ADAMTSL4: variants seen among roughly 807,000 people sequenced by gnomAD.
ADAMTSL4 encodes the protein ADAMTS like 4, also known as ADAMTS-like protein 4.
Under a neutral mutation model 122.8 loss-of-function variants are expected in ADAMTSL4, and 97 were observed. The ratio of observed to expected loss-of-function variants is 0.79; its 90% CI spans 0.67 to 0.93. ADAMTSL4 has a LOEUF of 0.93. Ranked by LOEUF, ADAMTSL4 falls within the 40% of genes least tolerant of loss-of-function variation. The pLI is 0.00. For synonymous variants in ADAMTSL4, 592 were observed against 568.0 expected (o/e 1.04, Z -0.60); for missense variants, 1,408 against 1,453.5 (o/e 0.97, Z 0.51).
rs1672187307 is a variant in ADAMTSL4, at chr1:150,556,879, G to A, written c.1750-60G>A. The A allele has an allele frequency of 6.2e-7, 1 of 1,609,902 alleles. No individual in the cohort carries two copies. The highest frequency in any genetic ancestry group is 1.7e-5 in the Admixed American group (1 of 59,992). On this transcript the variant is annotated intron_variant, in intron 10 of 18. Transcript: ENST00000271643. This position sits in a 1 kb window ranked among gnomAD's most constrained non-coding sequence, Gnocchi z 4.1. ...GCTGTGGTTGTCAAGATGGGAGAGA[G>A]AGCTGGTGGCATCCTCTTCTGGCCA... is the stretch of plus-strand genomic sequence containing the variant.
At position 150,559,642 on chromosome 1, in the gene ADAMTSL4, T is replaced by C; in HGVS notation, c.2944-119T>C. 6.3e-7 allele frequency: 1 copy of C among 1,576,066 alleles called. No homozygotes were observed. The stretch of plus-strand genomic sequence containing the variant: ...AAAGATGGGCCCTCTCCATTTGGGA[T>C]TTCACAATGTCCTAGGAGGGTCCCC... On this transcript the variant is annotated intron_variant, in intron 17 of 18. Coordinates refer to ENST00000271643, the MANE Select transcript of ADAMTSL4 (RefSeq NM_019032.6). This position sits in a 1 kb window ranked among gnomAD's most constrained non-coding sequence, Gnocchi z 4.1.
chr1:150,555,737 A>G (rs887427402), intron 8 of ADAMTSL4, among the ~76,000 whole-genome samples, 172 bp downstream of exon 8: 3 of 152,078 alleles, frequency 2.0e-5, no homozygotes, highest in Non-Finnish European at 2.9e-5. Flanking sequence ...ACACACGCAC[A>G]CACACGCATA....
In ADAMTSL4 at chr1:150,549,998, A is replaced by T; in HGVS notation, c.-85+103A>T. The T allele has an allele frequency of 4.0e-6, 1 of 248,384 alleles. No individual in the cohort carries two copies. The highest frequency in any genetic ancestry group is 8.5e-6 in the Non-Finnish European group (1 of 116,980). 15.4% of individuals were successfully genotyped at this position (248,384 alleles called of 1,614,324 possible). A position where few individuals can be genotyped will look rare whatever the true frequency, so the allele number is the denominator to read the frequency against. The stretch of plus-strand genomic sequence containing the variant: ...CCAGACCCAGGAGTGGAGGGCTCTG[A>T]GGGCCCGGGAATTCGGACTCAGGAC... On this transcript the variant is annotated intron_variant, in intron 2 of 18. Coordinates refer to ENST00000271643, the MANE Select transcript of ADAMTSL4 (RefSeq NM_019032.6). The surrounding 1 kb of genome is among the most constrained non-coding windows in gnomAD (Gnocchi z 5.0).
At chr1:150,558,784 T>G (rs978226790) in intron 15 of ADAMTSL4, 135 bp downstream of exon 15, 2 of 1,556,750 alleles carry the variant, frequency 1.3e-6, no homozygotes, top group African/African-American at 2.7e-5. Flanking sequence ...AACTCAGAGA[T>G]AAGTGAGAAC....
rs374121727 is a variant in ADAMTSL4, at chr1:150,554,961, G to A, written c.1235-468G>A. 8.6e-5 allele frequency among the ~76,000 whole-genome samples: 13 copies of A among 151,100 alleles called. No homozygotes were observed. Among genetic ancestry groups the A allele is most frequent in the African/African-American group, 2.4e-4 (10 of 41,134 alleles). On this transcript the variant is annotated intron_variant, in intron 7 of 18. Transcript: ENST00000271643. The surrounding 1 kb of genome is among the most constrained non-coding windows in gnomAD (Gnocchi z 4.0). The stretch of plus-strand genomic sequence containing the variant: ...CTCTCAGTTCAGAGTCCCCTTGATG[G>A]TCTCGGTGACCTCAACTGACCTGAC...
chr1:150,557,902 C>A, intron 13 of ADAMTSL4, 43 bp from the exon 14 acceptor site: 1 of 1,583,140 alleles, frequency 6.3e-7, no homozygotes, highest in South Asian at 1.1e-5. Flanking sequence ...CCACACATCT[C>A]ATCTATGTCT....
chr1:150,553,107 C>T lies in ADAMTSL4; in HGVS notation c.288C>T (p.Leu96=), dbSNP rs144538837. 1.7e-4 allele frequency: 268 copies of T among 1,613,194 alleles called. No homozygotes were observed. The African/African-American group carries it at 2.3e-3, about 14-fold the overall frequency. ...CCCCAAGACATCCAGAAGCCCTCCTCCCCCGGGGCCAGGGTCCCAGACCCC... is the reference window on the plus strand; with the variant it reads ...CCCCAAGACATCCAGAAGCCCTCCTTCCCCGGGGCCAGGGTCCCAGACCCC... ...PRPPRHPEAL[L]PRGQGPRPQT... The change falls in exon 5 of 19, where the codon CTC becomes CTT. Residue 96 remains leucine, a synonymous_variant. Coordinates refer to ENST00000271643, the MANE Select transcript of ADAMTSL4 (RefSeq NM_019032.6).
At position 150,558,655 on chromosome 1, in the gene ADAMTSL4, C is replaced by T; in HGVS notation, c.2559+6C>T. 2 of 1,613,690 alleles carry T rather than the reference C, an allele frequency of 1.2e-6. No individual in the cohort carries two copies. The highest frequency in any genetic ancestry group is 1.1e-5 in the South Asian group (1 of 91,072). On this transcript the variant is annotated splice_donor_region_variant and intron_variant, in intron 15 of 18. Coordinates refer to ENST00000271643, the MANE Select transcript of ADAMTSL4 (RefSeq NM_019032.6). ...ACAGCGACTGGAGCTCCAAGGTGAGCCCGGAACCCCCAGCCATATCCTGCA... is the reference window on the plus strand; with the variant it reads ...ACAGCGACTGGAGCTCCAAGGTGAGTCCGGAACCCCCAGCCATATCCTGCA...
chr1:150,556,689 AGGGCCGGCG>A lies in ADAMTSL4; in HGVS notation c.1648_1656del (p.Ala550_Gly552del). Reference sequence around the variant, plus strand: ...GGCTGTGGATCCCCCTGGGTCCTACAGGGCCGGCGGGACCGTCTTTCGATATAACCGTCC... The same window carrying A: ...GGCTGTGGATCCCCCTGGGTCCTACAGGACCGTCTTTCGATATAACCGTCC... On this transcript the variant is annotated inframe_deletion, in exon 10 of 19. Transcript: ENST00000271643. This position sits in a 1 kb window ranked among gnomAD's most constrained non-coding sequence, Gnocchi z 4.1. 3 of 1,614,016 alleles carry A rather than the reference AGGGCCGGCG, an allele frequency of 1.9e-6. No individual in the cohort carries two copies. Among genetic ancestry groups the A allele is most frequent in the Non-Finnish European group, 2.5e-6 (3 of 1,179,978 alleles).
Position 150,555,846 on chromosome 1 carries a change from T to TGCATGAACACATGCACACAC in ADAMTSL4, c.1371+282_1371+283insCATGAACACATGCACACACG, listed in dbSNP as rs1672041171. ...ACGTATGCAGACACATGCACACACA[T>TGCATGAACACATGCACACAC]GTAGACACACATGCATGAACACATG... On this transcript the variant is annotated intron_variant, in intron 8 of 18. Coordinates refer to ENST00000271643, the MANE Select transcript of ADAMTSL4 (RefSeq NM_019032.6). 5.0e-6 allele frequency: 3 copies of TGCATGAACACATGCACACAC among 598,082 alleles called. No individual in the cohort carries two copies. In the African/African-American group the frequency reaches 6.3e-5, roughly 12 times the overall value. 37.0% of individuals were successfully genotyped at this position (598,082 alleles called of 1,614,324 possible).
chr1:150,555,712 C>A, intron 8 of ADAMTSL4, 147 bp downstream of exon 8: 1 of 1,095,504 alleles, frequency 9.1e-7, no homozygotes, highest in Non-Finnish European at 1.3e-6. Flanking sequence ...CAGACACATG[C>A]ACACACGCAC....
At chr1:150,557,890 C>G in intron 13 of ADAMTSL4, 55 bp from the exon 14 acceptor site, 1 of 1,566,268 alleles carries the variant, frequency 6.4e-7, no homozygotes. Context: ...GCCACGGCAG[C>G]CCCACACATC....
At chr1:150,550,462 G>T (rs1213782718) in intron 2 of ADAMTSL4, among the ~76,000 whole-genome samples, 1 of 152,142 alleles carries the variant, frequency 6.6e-6, no homozygotes, top group Non-Finnish European at 1.5e-5. Context: ...CCCAGCTCGG[G>T]ATGGGATTAT....
intron 12 of ADAMTSL4, 43 bp downstream of exon 12, chr1:150,557,378 C>T (rs1415864330): frequency 6.2e-7 from 1 of 1,602,602 alleles, no homozygotes; most frequent in Admixed American, 1.7e-5. Flanking sequence ...GTCCAAACCC[C>T]CCAACTGACA....
Position 150,556,186 on chromosome 1 carries a change from G to A in ADAMTSL4, c.1396G>A (p.Gly466Ser). ...GAGCCCCGGCTGTGATGGGATCCTT[G>A]GCTCTGGCAGGCGTCCTGATGGCTG... ...CLSPGCDGIL[G>S]SGRRPDGCGV... is the part of the protein sequence containing the mutation. The change falls in exon 9 of 19, where the codon GGC (glycine) becomes AGC (serine). Residue 466 changes from glycine to serine, a missense_variant. Gly to Ser is a moderately conservative substitution (Grantham distance 56, BLOSUM62 0). Coordinates refer to ENST00000271643, the MANE Select transcript of ADAMTSL4 (RefSeq NM_019032.6). This position sits in a 1 kb window ranked among gnomAD's most constrained non-coding sequence, Gnocchi z 4.1. 6.2e-7 allele frequency: 1 copy of A among 1,614,168 alleles called. No individual in the cohort carries two copies. Among genetic ancestry groups the A allele is most frequent in the Non-Finnish European group, 8.5e-7 (1 of 1,180,034 alleles).
At position 150,552,713 on chromosome 1, in the gene ADAMTSL4, TC is replaced by T. The variant is rs1276876223; in HGVS notation, c.78+117del. The T allele has an allele frequency of 7.2e-6, 10 of 1,395,138 alleles. No homozygotes were observed. The highest frequency in any genetic ancestry group is 1.5e-5 in the African/African-American group (1 of 68,776). The allele number at this position is 1,395,138 out of a possible 1,614,324, so 86.4% of individuals were successfully genotyped here. A position where few individuals can be genotyped will look rare whatever the true frequency, so the allele number is the denominator to read the frequency against. On this transcript the variant is annotated intron_variant, in intron 4 of 18. Transcript: ENST00000271643. The surrounding 1 kb of genome is among the most constrained non-coding windows in gnomAD (Gnocchi z 4.0). ...CTCCATTCCCCACAGCCCACCCACC[TC>T]CCCTGCCAACTCCCCAGTTCCTTGC...
At chr1:150,555,296 C>G in intron 7 of ADAMTSL4, 133 bp from the exon 8 acceptor site, 1 of 1,207,710 alleles carries the variant, frequency 8.3e-7, no homozygotes, top group Non-Finnish European at 1.2e-6. Flanking sequence ...CCCTGACCAC[C>G]TCAGCTTGTG....
chr1:150,553,599 C>G lies in ADAMTSL4; in HGVS notation c.608C>G (p.Pro203Arg). ...AIPSPTPRAE[P>R]FSANGSPQTE... The stretch of plus-strand genomic sequence containing the variant: ...CCGTCCCCTACTCCAAGAGCAGAGC[C>G]ATTCTCCGCAAACGGCAGCCCCCAA... Residue 203 changes from proline to arginine, a missense_variant, in exon 6 of 19, where the codon CCA becomes CGA. Coordinates refer to ENST00000271643, the MANE Select transcript of ADAMTSL4 (RefSeq NM_019032.6). The G allele has an allele frequency of 6.2e-7, 1 of 1,613,894 alleles. No individual in the cohort carries two copies. Among genetic ancestry groups the G allele is most frequent in the Non-Finnish European group, 8.5e-7 (1 of 1,179,950 alleles).
chr1:150,556,384 TC>T lies in ADAMTSL4; in HGVS notation c.1576+22del, dbSNP rs1553912651. The T allele has an allele frequency of 6.2e-7, 1 of 1,613,430 alleles. No individual in the cohort carries two copies. The highest frequency in any genetic ancestry group is 8.5e-7 in the Non-Finnish European group (1 of 1,179,832). On this transcript the variant is annotated intron_variant, in intron 9 of 18. Coordinates refer to ENST00000271643, the MANE Select transcript of ADAMTSL4 (RefSeq NM_019032.6). This position sits in a 1 kb window ranked among gnomAD's most constrained non-coding sequence, Gnocchi z 4.1. ...CTACCTGGGTGAGCACCCAGCTGCC[TC>T]CCCTTCCACTTCCGTCTCTGTTCGG...
Sources: allele counts gnomAD v4.1 joint callset (sites outside exome capture counted in the v4.1 genomes callset), GRCh38; gene constraint gnomAD v4.1.1; non-coding constraint Gnocchi (gnomAD v3.1); transcripts MANE v1.5; gene names NCBI Gene and HGNC (gene_info 2026-07-23, HGNC 2026-07-21).